PDE1A: variants seen among roughly 807,000 people sequenced by gnomAD.
PDE1A encodes the protein phosphodiesterase 1A.
PDE1A carries 35 observed loss-of-function variants against 61.7 expected under a neutral mutation model. That is an observed-to-expected ratio of 0.57 (90% CI 0.43 to 0.75). The LOEUF (loss-of-function observed/expected upper bound fraction) is 0.75, where lower values mean the gene tolerates loss of function less well. Ranked by LOEUF, PDE1A falls within the 30% of genes least tolerant of loss-of-function variation. The probability of loss-of-function intolerance (pLI) is 0.00; values close to 1 mark genes in which losing one functional copy is unlikely to be tolerated. For synonymous variants in PDE1A, 232 were observed against 213.2 expected, an observed-to-expected ratio of 1.09 and a Z score of -0.77; for missense variants, 597 against 630.6, an observed-to-expected ratio of 0.95 and a Z score of 0.57.
intron 2 of PDE1A, among the ~76,000 whole-genome samples, chr2:182,499,679 A>G (rs1473585826): frequency 1.3e-5 from 2 of 152,228 alleles, no homozygotes; most frequent in African/African-American, 4.8e-5. Flanking sequence ...GGTATCTGCA[A>G]AATTCTGAGA....
At chr2:182,286,574 C>A (rs542262357) in intron 1 of PDE1A, among the ~76,000 whole-genome samples, 5 of 152,252 alleles carry the variant, frequency 3.3e-5, no homozygotes, top group African/African-American at 1.2e-4. Flanking sequence ...CGGACCTAAG[C>A]TCTTTCCATC....
chr2:182,244,147 G>A (rs139128502), intron 2 of PDE1A, among the ~76,000 whole-genome samples: 613 of 152,290 alleles, frequency 4.0e-3, no homozygotes, highest in Non-Finnish European at 6.4e-3. Context: ...GATTACAGGA[G>A]TGAGCCACAA....
At chr2:182,146,635 C>T (rs1409010884), downstream of PDE1A, among the ~76,000 whole-genome samples, 2 of 152,030 alleles carry the variant, frequency 1.3e-5, no homozygotes, top group African/African-American at 4.8e-5. Flanking sequence ...CAGGTGCCTG[C>T]CACCACACCC....
chr2:182,252,648 A>G (rs1486397724), intron 2 of PDE1A, among the ~76,000 whole-genome samples: 1 of 152,180 alleles, frequency 6.6e-6, no homozygotes, highest in African/African-American at 2.4e-5. Flanking sequence ...TCCAAGACAA[A>G]CTGTGAGAAG....
the PDE1A span, among the ~76,000 whole-genome samples, chr2:182,555,182 C>G: frequency 5.3e-5 from 8 of 152,192 alleles, no homozygotes; most frequent in South Asian, 2.1e-4. Flanking sequence ...CAGAGGCACT[C>G]TAGACAATAA....
chr2:182,466,827 C>T (rs574858180), intron 2 of PDE1A, among the ~76,000 whole-genome samples: 1 of 151,978 alleles, frequency 6.6e-6, no homozygotes, highest in Non-Finnish European at 1.5e-5. Context: ...AAGTTCTATT[C>T]TTCTTCCTAA....
At chr2:182,626,778 T>C in the PDE1A span, among the ~76,000 whole-genome samples, 1 of 4,122 alleles carries the variant, frequency 2.4e-4, no homozygotes, top group Non-Finnish European at 6.7e-4. Context: ...TATACATATA[T>C]ATACATATAT....
intron 13 of PDE1A, among the ~76,000 whole-genome samples, chr2:182,161,003 C>G (rs1176737457): frequency 6.6e-6 from 1 of 152,202 alleles, no homozygotes; most frequent in Non-Finnish European, 1.5e-5. Flanking sequence ...TAATTCACCA[C>G]TTTCAGGAGG....
At chr2:182,670,081 C>A in the PDE1A span, among the ~76,000 whole-genome samples, 2 of 152,170 alleles carry the variant, frequency 1.3e-5, no homozygotes, top group African/African-American at 4.8e-5. Flanking sequence ...TGCCACAGGG[C>A]CATGCAGATA....
intron 1 of PDE1A, among the ~76,000 whole-genome samples, chr2:182,397,763 T>C (rs1701791569): frequency 6.6e-6 from 1 of 152,046 alleles, no homozygotes; most frequent in South Asian, 2.1e-4. Context: ...CAGGGATCAG[T>C]TTTTGGTCAT....
At chr2:182,410,707 T>C (rs972966301) in intron 1 of PDE1A, among the ~76,000 whole-genome samples, 5 of 152,226 alleles carry the variant, frequency 3.3e-5, no homozygotes, top group African/African-American at 9.6e-5. Flanking sequence ...TTGGAAGATA[T>C]CTGGGTAAAC....
the PDE1A span, among the ~76,000 whole-genome samples, chr2:182,707,604 T>C: frequency 6.6e-6 from 1 of 152,250 alleles, no homozygotes; most frequent in South Asian, 2.1e-4. Flanking sequence ...ATCTGAATGG[T>C]CCTATATCTA....
chr2:182,223,738 G>C lies in PDE1A; in HGVS notation c.776+126C>G, dbSNP rs73043827. 1,268 of 544,796 alleles carry C rather than the reference G, an allele frequency of 2.3e-3. 11 individuals are homozygous for C. The highest frequency in any genetic ancestry group is 0.021 in the African/African-American group (1,069 of 49,854). 33.7% of individuals were successfully genotyped at this position (544,796 alleles called of 1,614,324 possible). On this transcript the variant is annotated intron_variant, in intron 7 of 13. Coordinates refer to ENST00000351439, the Ensembl canonical transcript of PDE1A. ...AATTGTTAGCAGCTTAAGAAATTTT[G>C]CTAAAAATTAATTAAACCTGTTCTT...
At chr2:182,503,350 A>G (rs1378439096) in intron 2 of PDE1A, among the ~76,000 whole-genome samples, 1 of 152,100 alleles carries the variant, frequency 6.6e-6, no homozygotes, top group Non-Finnish European at 1.5e-5. Flanking sequence ...TCTTCTTAAA[A>G]CATAAATCAG....
In PDE1A at chr2:182,228,870, A is replaced by C. The variant is rs150844973; in HGVS notation, c.675+1136T>G. ...ACACATTTTTGCTAAAGGATGAATA[A>C]AATCAGAAAGTTACATTTATATTTG... is the stretch of plus-strand genomic sequence containing the variant. On this transcript the variant is annotated intron_variant, in intron 6 of 13. Transcript: ENST00000351439. 4.1e-4 allele frequency among the ~76,000 whole-genome samples: 63 copies of C among 152,292 alleles called. No homozygotes were observed. The East Asian group carries it at 0.012, about 28-fold the overall frequency.
chr2:182,683,399 A>G, the PDE1A span, among the ~76,000 whole-genome samples: 3 of 152,168 alleles, frequency 2.0e-5, no homozygotes, highest in East Asian at 3.9e-4. Flanking sequence ...TTTCAAAACA[A>G]GTATAATAGC....
chr2:182,575,510 G>C, the PDE1A span, among the ~76,000 whole-genome samples: 2 of 151,604 alleles, frequency 1.3e-5, no homozygotes, highest in Non-Finnish European at 2.9e-5. Flanking sequence ...TAGGCCAGCA[G>C]AACATAATGC....
At chr2:182,415,336 G>T (rs1402771578) in intron 1 of PDE1A, among the ~76,000 whole-genome samples, 3 of 152,068 alleles carry the variant, frequency 2.0e-5, no homozygotes, top group Non-Finnish European at 4.4e-5. Flanking sequence ...CCCAAGAATG[G>T]TCTCAAACAC....
At chr2:182,559,250 T>G in the PDE1A span, among the ~76,000 whole-genome samples, 4 of 152,054 alleles carry the variant, frequency 2.6e-5, no homozygotes, top group Non-Finnish European at 4.4e-5. Context: ...GCTGCAGATC[T>G]GGAATCCAGA....
Sources: gnomAD v4.1 joint callset for allele counts (sites outside exome capture counted in the v4.1 genomes callset) on GRCh38, gnomAD v4.1.1 for gene constraint, MANE v1.5 for transcripts, NCBI Gene and HGNC (gene_info 2026-07-23, HGNC 2026-07-21) for gene names.